The following TADA2A variants were observed in gnomAD, a reference collection of about 807,000 sequenced individuals.
The protein encoded by TADA2A is transcriptional adapter 2-alpha.
TADA2A carries 38 observed loss-of-function variants against 67.4 expected under a neutral mutation model. The observed-to-expected ratio is 0.56, with a 90% CI of 0.44 to 0.74. TADA2A has a LOEUF of 0.74. Ranked by LOEUF, TADA2A falls within the 30% of genes least tolerant of loss-of-function variation. TADA2A has a pLI of 0.00. For missense variants in TADA2A, 454 were observed against 547.0 expected (o/e 0.83, Z 1.70); for synonymous variants, 192 against 181.6 (o/e 1.06, Z -0.46).
At chr17:37,473,351 C>G (rs756736488) in intron 14 of TADA2A, among the ~76,000 whole-genome samples, 2 of 151,966 alleles carry the variant, frequency 1.3e-5, no homozygotes, top group Non-Finnish European at 2.9e-5. Context: ...TCTTGCTCTC[C>G]TTTATGTTCT....
At chr17:37,442,804 G>A in intron 7 of TADA2A, 152 bp downstream of exon 7, 1 of 614,940 alleles carries the variant, frequency 1.6e-6, no homozygotes, top group Non-Finnish European at 2.7e-6. Context: ...ATTTTCTTAG[G>A]TTTGAGTGCC....
intron 8 of TADA2A, 50 bp from the exon 9 acceptor site, chr17:37,458,474 T>C: frequency 8.6e-7 from 1 of 1,159,392 alleles, no homozygotes. Flanking sequence ...TTTATTTATA[T>C]AATATATATA....
chr17:37,411,715 C>T (rs992899777), intron 2 of TADA2A, among the ~76,000 whole-genome samples: 4 of 150,132 alleles, frequency 2.7e-5, no homozygotes, highest in Admixed American at 6.7e-5. Context: ...CAGGTGTGAG[C>T]CACCACTCCC....
chr17:37,413,745 T>TC (rs201640503), intron 2 of TADA2A, among the ~76,000 whole-genome samples: 204 of 151,238 alleles, frequency 1.3e-3, no homozygotes, highest in African/African-American at 4.0e-3. Flanking sequence ...AAAAGATGAT[T>TC]CCCCCCCCAC....
At chr17:37,424,718 G>A (rs952806643) in intron 3 of TADA2A, among the ~76,000 whole-genome samples, 6 of 151,966 alleles carry the variant, frequency 3.9e-5, no homozygotes, top group South Asian at 2.1e-4. Context: ...CACCACACCC[G>A]GCTAATTTTG....
rs960786246 is a variant in TADA2A, at chr17:37,458,574, C to G, written c.655C>G (p.Gln219Glu). ...CTATCATTCCAGGTTAAAGGAGAGACAAAGACGAAAAAAGTAAGTATAAAA... is the reference window on the plus strand; with the variant it reads ...CTATCATTCCAGGTTAAAGGAGAGAGAAAGACGAAAAAAGTAAGTATAAAA... ...DIYHSRLKER[Q>E]RRKKIIRDHG... The change falls in exon 9 of 16, where the codon CAA becomes GAA. Residue 219 changes from glutamine to glutamate, a missense_variant. Gln to Glu is a conservative substitution (Grantham distance 29). Transcript: ENST00000615182. 2 of 1,611,984 alleles carry G rather than the reference C, an allele frequency of 1.2e-6. No homozygotes were observed. Among genetic ancestry groups the G allele is most frequent in the African/African-American group, 1.3e-5 (1 of 74,668 alleles).
chr17:37,427,012 A>G lies in TADA2A; in HGVS notation c.192+3A>G, dbSNP rs555124957. 1 of 1,576,176 alleles carries G rather than the reference A, an allele frequency of 6.3e-7. No homozygotes were observed. The highest frequency in any genetic ancestry group is 1.2e-5 in the South Asian group (1 of 83,056). ...GCGATCATACTTATGAAATAATGGT[A>G]ATGATGAAGTTGCTGGGAATTTCTG... On this transcript the variant is annotated splice_donor_region_variant and intron_variant, in intron 4 of 15. Coordinates refer to ENST00000615182, the MANE Select transcript of TADA2A (RefSeq NM_001166105.3).
chr17:37,440,928 CAACTA>C (rs2052897096), intron 6 of TADA2A, among the ~76,000 whole-genome samples: 1 of 152,040 alleles, frequency 6.6e-6, no homozygotes, highest in Non-Finnish European at 1.5e-5. Context: ...AACCCTGTCT[CAACTA>C]AAAGTATAAA....
intron 8 of TADA2A, among the ~76,000 whole-genome samples, chr17:37,451,482 C>G (rs1189650490): frequency 6.6e-6 from 1 of 151,580 alleles, no homozygotes; most frequent in African/African-American, 2.4e-5. Context: ...CCATGTCTGG[C>G]TATATTTTTG....
At chr17:37,422,936 T>A (rs1380995184) in intron 2 of TADA2A, among the ~76,000 whole-genome samples, 1 of 152,216 alleles carries the variant, frequency 6.6e-6, no homozygotes, top group Non-Finnish European at 1.5e-5. Context: ...TTATGAAACT[T>A]CCAGTTAAAA....
rs540029334 is a variant in TADA2A, at chr17:37,478,427, C to G, written c.*1445C>G. The G allele has an allele frequency of 6.6e-6, 1 of 152,256 alleles. No homozygotes were observed. The highest frequency in any genetic ancestry group is 2.1e-4 in the South Asian group (1 of 4,820). 9.4% of individuals were successfully genotyped at this position (152,256 alleles called of 1,614,324 possible). A position where few individuals can be genotyped will look rare whatever the true frequency, so the allele number is the denominator to read the frequency against. On this transcript the variant is annotated 3_prime_UTR_variant, in exon 16 of 16. Coordinates refer to ENST00000615182, the MANE Select transcript of TADA2A (RefSeq NM_001166105.3). ...CAAGCCCCTGAGGATGGAGATGATG[C>G]AACAAACCTCAGCTTTGCTTGGATT...
intron 9 of TADA2A, among the ~76,000 whole-genome samples, chr17:37,458,825 C>A (rs555892034): frequency 1.3e-5 from 2 of 151,994 alleles, no homozygotes; most frequent in African/African-American, 4.8e-5. Flanking sequence ...TACAGCAGTG[C>A]GCCACCATGC....
At chr17:37,418,599 T>C (rs2052127408) in intron 2 of TADA2A, among the ~76,000 whole-genome samples, 1 of 151,876 alleles carries the variant, frequency 6.6e-6, no homozygotes, top group African/African-American at 2.4e-5. Context: ...TCTTTTTCTT[T>C]TTTTTTTTTG....
chr17:37,470,775 C>T (rs138695865), intron 13 of TADA2A, among the ~76,000 whole-genome samples: 138 of 152,240 alleles, frequency 9.1e-4, no homozygotes, highest in Non-Finnish European at 4.0e-4. Flanking sequence ...TTTCCCCCAG[C>T]CTTCTACCCA....
At chr17:37,422,512 AT>A (rs2147923842) in intron 2 of TADA2A, among the ~76,000 whole-genome samples, 1 of 143,372 alleles carries the variant, frequency 7.0e-6, no homozygotes, top group East Asian at 2.1e-4. Flanking sequence ...TATTATTATT[AT>A]TATTATTATT....
chr17:37,458,669 G>GTGTGTC (rs1555690105), intron 9 of TADA2A, 82 bp downstream of exon 9: 52 of 915,452 alleles, frequency 5.7e-5, no homozygotes, highest in Admixed American at 3.9e-4. Context: ...GTGTGTGTGT[G>GTGTGTC]TGTGTCTGTG....
chr17:37,419,365 G>C lies in TADA2A; in HGVS notation c.26-4144G>C, dbSNP rs934265926. Among the ~76,000 whole-genome samples the C allele has an allele frequency of 1.0e-4, 15 of 144,662 alleles. 1 individual carries two copies. Among genetic ancestry groups the C allele is most frequent in the Non-Finnish European group, 2.3e-4 (15 of 65,040 alleles). 94.9% of individuals were successfully genotyped at this position (144,662 alleles called of 152,430 possible). A position where few individuals can be genotyped will look rare whatever the true frequency, so the allele number is the denominator to read the frequency against. On this transcript the variant is annotated intron_variant, in intron 2 of 15. Coordinates refer to ENST00000615182, the MANE Select transcript of TADA2A (RefSeq NM_001166105.3). The stretch of plus-strand genomic sequence containing the variant: ...GTGGGGTTTTTTTTTGTAGAGACAT[G>C]GTTTCACCATGTTCCCCAGGCTGGT...
chr17:37,448,193 C>T (rs930674184), intron 8 of TADA2A, among the ~76,000 whole-genome samples: 1 of 151,902 alleles, frequency 6.6e-6, no homozygotes, highest in African/African-American at 2.4e-5. Flanking sequence ...GTATTTAGAA[C>T]CTATCCAGAA....
chr17:37,447,188 C>T (rs2053106615), intron 8 of TADA2A, among the ~76,000 whole-genome samples: 1 of 152,086 alleles, frequency 6.6e-6, no homozygotes, highest in South Asian at 2.1e-4. Flanking sequence ...TTGTGACAGA[C>T]TCTCACCTTG....
Sources: allele counts gnomAD v4.1 joint callset (sites outside exome capture counted in the v4.1 genomes callset), GRCh38; gene constraint gnomAD v4.1.1; transcripts MANE v1.5; gene names NCBI Gene and HGNC (gene_info 2026-07-23, HGNC 2026-07-21).